The following FCHSD2 variants were observed in gnomAD, a reference collection of about 807,000 sequenced individuals.
The protein encoded by FCHSD2 is FCH and double SH3 domains 2.
In FCHSD2, 38 loss-of-function variants were observed where a neutral mutation model predicts 108.1. The ratio of observed to expected loss-of-function variants is 0.35; its 90% CI spans 0.27 to 0.46. FCHSD2 has a LOEUF of 0.46. Ranked by LOEUF, FCHSD2 falls within the 20% of genes least tolerant of loss-of-function variation. FCHSD2 has a pLI of 1.00. For synonymous variants in FCHSD2, 279 were observed against 314.7 expected (o/e 0.89, Z 1.20); for missense variants, 751 against 897.8 (o/e 0.84, Z 2.09).
chr11:72,894,949 G>A (rs553723946), intron 10 of FCHSD2, among the ~76,000 whole-genome samples: 1 of 152,208 alleles, frequency 6.6e-6, no homozygotes, highest in African/African-American at 2.4e-5. Context: ...TCTAAAATCT[G>A]GAAAATTCTG....
chr11:72,991,046 C>T (rs1300780116), intron 5 of FCHSD2, among the ~76,000 whole-genome samples: 1 of 152,190 alleles, frequency 6.6e-6, no homozygotes, highest in East Asian at 1.9e-4. Context: ...ACCAATCCCA[C>T]AGAAATACAA....
At position 72,836,762 on chromosome 11, in the gene FCHSD2, T is replaced by G. The variant is rs2135138861; in HGVS notation, c.*2029A>C. 6.5e-6 allele frequency: 1 copy of G among 152,760 alleles called. No individual in the cohort carries two copies. The highest frequency in any genetic ancestry group is 6.5e-5 in the Admixed American group (1 of 15,306). The allele number at this position is 152,760 out of a possible 1,614,324, so 9.5% of individuals were successfully genotyped here. A position where few individuals can be genotyped will look rare whatever the true frequency, so the allele number is the denominator to read the frequency against. On this transcript the variant is annotated 3_prime_UTR_variant, in exon 20 of 20. Coordinates refer to ENST00000409418, the MANE Select transcript of FCHSD2 (RefSeq NM_014824.3). ...AGAAAACATAATTCCATTTTTTTTA[T>G]TATTCAACATTTTATACATAATAAA...
intron 9 of FCHSD2, among the ~76,000 whole-genome samples, chr11:72,914,403 A>G (rs1855828924): frequency 2.0e-5 from 3 of 152,232 alleles, no homozygotes; most frequent in East Asian, 1.9e-4. Flanking sequence ...TTTAAAATTC[A>G]TATGAAACCA....
intron 14 of FCHSD2, among the ~76,000 whole-genome samples, chr11:72,848,633 G>T (rs1225258273): frequency 6.6e-6 from 1 of 152,164 alleles, no homozygotes; most frequent in Non-Finnish European, 1.5e-5. Context: ...CACTCTATAT[G>T]TTTATTCAAT....
chr11:73,032,331 C>T (rs997562588), intron 3 of FCHSD2, among the ~76,000 whole-genome samples: 7 of 152,188 alleles, frequency 4.6e-5, no homozygotes, highest in Middle Eastern at 3.4e-3. Context: ...TGGGCTTAAG[C>T]GATCTTCCCA....
chr11:73,056,804 C>T (rs937268060), intron 3 of FCHSD2, among the ~76,000 whole-genome samples: 5 of 152,114 alleles, frequency 3.3e-5, no homozygotes, highest in Admixed American at 2.6e-4. Context: ...TTGACAAGGC[C>T]GGGCGCGGTG....
chr11:72,994,230 C>T lies in FCHSD2; in HGVS notation c.388-5133G>A, dbSNP rs117645057. Among the ~76,000 whole-genome samples the T allele has an allele frequency of 1.9e-4, 29 of 152,274 alleles. 1 individual carries two copies. The East Asian group carries it at 5.6e-3, about 29-fold the overall frequency. ...TGTGTTTCCTGTACTCTGTCCTTCT[C>T]AGTAAACCTCTTGTCAGGTGTGGCC... is the stretch of plus-strand genomic sequence containing the variant. On this transcript the variant is annotated intron_variant, in intron 5 of 19. Coordinates refer to ENST00000409418, the MANE Select transcript of FCHSD2 (RefSeq NM_014824.3).
At chr11:73,006,448 C>CT (rs1360550594) in intron 4 of FCHSD2, among the ~76,000 whole-genome samples, 1 of 152,188 alleles carries the variant, frequency 6.6e-6, no homozygotes, top group Non-Finnish European at 1.5e-5. Flanking sequence ...CCTCATTTGT[C>CT]TATCATATCT....
intron 8 of FCHSD2, among the ~76,000 whole-genome samples, chr11:72,952,173 T>C (rs1435820592): frequency 2.0e-5 from 3 of 152,158 alleles, no homozygotes; most frequent in Admixed American, 6.5e-5. Context: ...GCTTGGTCAC[T>C]CAGATGAAGC....
At chr11:73,084,583 G>T (rs571472672) in intron 2 of FCHSD2, among the ~76,000 whole-genome samples, 1 of 152,220 alleles carries the variant, frequency 6.6e-6, no homozygotes, top group African/African-American at 2.4e-5. Context: ...TGTAGAGATG[G>T]AGTCTTGATA....
intron 8 of FCHSD2, among the ~76,000 whole-genome samples, chr11:72,980,836 GTC>G (rs1218912547): frequency 6.6e-6 from 1 of 151,900 alleles, no homozygotes; most frequent in Non-Finnish European, 1.5e-5. Context: ...TTACTCATCT[GTC>G]TCTTCCCAAA....
intron 9 of FCHSD2, among the ~76,000 whole-genome samples, chr11:72,904,536 C>T (rs866614500): frequency 3.3e-5 from 5 of 152,130 alleles, no homozygotes; most frequent in Admixed American, 2.6e-4. Flanking sequence ...CCTCTTCCAC[C>T]CCTAATTATA....
chr11:73,043,154 G>T (rs1156382432), intron 3 of FCHSD2, among the ~76,000 whole-genome samples: 1 of 152,152 alleles, frequency 6.6e-6, no homozygotes, highest in Non-Finnish European at 1.5e-5. Flanking sequence ...AAGGCTTTCA[G>T]CCTTTCCCTA....
At chr11:72,884,248 A>G (rs1174554941) in intron 12 of FCHSD2, among the ~76,000 whole-genome samples, 2 of 152,148 alleles carry the variant, frequency 1.3e-5, no homozygotes, top group African/African-American at 2.4e-5. Flanking sequence ...AACACAGTTA[A>G]TGGGTCAATC....
At chr11:72,886,206 C>T (rs1234913337) in intron 12 of FCHSD2, among the ~76,000 whole-genome samples, 1 of 152,142 alleles carries the variant, frequency 6.6e-6, no homozygotes, top group Non-Finnish European at 1.5e-5. Context: ...TAGGGCTGCA[C>T]TATGTCTCAG....
At chr11:72,914,307 C>T (rs886647093) in intron 9 of FCHSD2, among the ~76,000 whole-genome samples, 1 of 152,140 alleles carries the variant, frequency 6.6e-6, no homozygotes, top group Admixed American at 6.5e-5. Flanking sequence ...GAGTCAGGTG[C>T]CCAGCCTGCC....
intron 5 of FCHSD2, among the ~76,000 whole-genome samples, chr11:72,997,026 G>A (rs1249228874): frequency 1.3e-5 from 2 of 152,168 alleles, no homozygotes; most frequent in African/African-American, 2.4e-5. Context: ...GAACTTGAGA[G>A]GTAAGGGTCT....
intron 13 of FCHSD2, among the ~76,000 whole-genome samples, chr11:72,858,703 A>G (rs538935439): frequency 6.6e-6 from 1 of 152,314 alleles, no homozygotes; most frequent in East Asian, 1.9e-4. Flanking sequence ...TAATCTGTAC[A>G]ACCCCCCCAT....
At position 73,098,781 on chromosome 11, in the gene FCHSD2, A is replaced by G. The variant is rs75154584; in HGVS notation, c.120-15041T>C. Among the ~76,000 whole-genome samples the G allele has an allele frequency of 3.6e-3, 555 of 152,348 alleles. 1 individual carries two copies. Among genetic ancestry groups the G allele is most frequent in the African/African-American group, 0.013 (538 of 41,580 alleles). ...AAAATTTAAAATGGCTCAAAGACCTAAATGTAACAGCTAAAACTATAAAAC... is the reference window on the plus strand; with the variant it reads ...AAAATTTAAAATGGCTCAAAGACCTGAATGTAACAGCTAAAACTATAAAAC... On this transcript the variant is annotated intron_variant, in intron 2 of 19. Transcript: ENST00000409418.
Sources: allele counts gnomAD v4.1 joint callset (sites outside exome capture counted in the v4.1 genomes callset), GRCh38; gene constraint gnomAD v4.1.1; transcripts MANE v1.5; gene names NCBI Gene and HGNC (gene_info 2026-07-23, HGNC 2026-07-21).